ADARB2: variants seen among roughly 807,000 people sequenced by gnomAD.
ADARB2 encodes inactive double-stranded RNA-specific editase B2.
In ADARB2, 25 loss-of-function variants were observed where a neutral mutation model predicts 62.2. The observed-to-expected ratio is 0.40, with a 90% CI of 0.29 to 0.56. The LOEUF is 0.56. ADARB2 is among the 20% of genes least tolerant of loss of function. ADARB2 has a pLI of 0.43. For synonymous variants in ADARB2, 572 were observed against 500.8 expected (o/e 1.14, Z -1.90); for missense variants, 1,071 against 1,077.4 (o/e 0.99, Z 0.08).
At chr10:1,452,907 A>G (rs1831056626) in intron 1 of ADARB2, among the ~76,000 whole-genome samples, 1 of 152,232 alleles carries the variant, frequency 6.6e-6, no homozygotes, top group African/African-American at 2.4e-5. Context: ...TCTCCACATC[A>G]GTGTGTGACA....
chr10:1,640,222 T>C (rs1036828484), intron 1 of ADARB2, among the ~76,000 whole-genome samples: 12 of 152,178 alleles, frequency 7.9e-5, no homozygotes, highest in Non-Finnish European at 1.5e-4. Context: ...AGAAGTCTCG[T>C]TTTCCTTGGA....
At chr10:1,205,092 CAG>C (rs756042851) in intron 7 of ADARB2, among the ~76,000 whole-genome samples, 2 of 152,164 alleles carry the variant, frequency 1.3e-5, no homozygotes, top group Non-Finnish European at 2.9e-5. Flanking sequence ...CGCCATTCTG[CAG>C]AGACTCCTGA....
intron 1 of ADARB2, among the ~76,000 whole-genome samples, chr10:1,674,029 G>C (rs945658469): frequency 6.6e-6 from 1 of 152,252 alleles, no homozygotes; most frequent in African/African-American, 2.4e-5. Flanking sequence ...TTAATAATCA[G>C]AGAGAGGTTC....
chr10:1,671,970 C>T (rs1052286683), intron 1 of ADARB2, among the ~76,000 whole-genome samples: 1 of 152,150 alleles, frequency 6.6e-6, no homozygotes, highest in Non-Finnish European at 1.5e-5. Flanking sequence ...GATTCACATG[C>T]CCCTGTTCAT....
chr10:1,503,410 T>G (rs11594167), intron 1 of ADARB2, among the ~76,000 whole-genome samples: 27,798 of 151,426 alleles, frequency 0.18, 2,989 homozygotes, highest in Non-Finnish European at 0.25. Context: ...GGTCTCATAC[T>G]TCTGGTCTCC....
intron 4 of ADARB2, among the ~76,000 whole-genome samples, chr10:1,244,760 A>G (rs149821963): frequency 1.5e-3 from 222 of 152,276 alleles, no homozygotes; most frequent in African/African-American, 5.2e-3. Context: ...AGGAAAAGGG[A>G]GAGACGGACT....
chr10:1,653,561 C>A (rs10903538), intron 1 of ADARB2, among the ~76,000 whole-genome samples: 70,571 of 143,696 alleles, frequency 0.49, 18,061 homozygotes, highest in East Asian at 0.71. Context: ...GAGCCACAGT[C>A]TCCACCCCAC....
intron 1 of ADARB2, among the ~76,000 whole-genome samples, chr10:1,698,749 CTT>C (rs1358692195): frequency 6.6e-6 from 1 of 152,172 alleles, no homozygotes; most frequent in African/African-American, 2.4e-5. Context: ...GGGCAAATGA[CTT>C]TTAAAAAATT....
rs924088070 is a variant in ADARB2, at chr10:1,252,616, G to A, written c.1193-10317C>T. ...GCAATCCCACATCTAGTCATTATTT[G>A]GTCAAAGTCTATGTTTTATTTTCAA... On this transcript the variant is annotated intron_variant, in intron 4 of 9. Transcript: ENST00000381312. Among the ~76,000 whole-genome samples the A allele has an allele frequency of 2.6e-5, 4 of 151,694 alleles. No homozygotes were observed. The South Asian group carries it at 8.3e-4, about 32-fold the overall frequency.
At chr10:1,496,435 C>T (rs1831692514) in intron 1 of ADARB2, among the ~76,000 whole-genome samples, 1 of 151,604 alleles carries the variant, frequency 6.6e-6, no homozygotes, top group Admixed American at 6.6e-5. Context: ...CATTTAGTAT[C>T]AACATTATCA....
rs117693025 is a variant in ADARB2, at chr10:1,713,176, A to T, written c.100+23875T>A. Among the ~76,000 whole-genome samples, 587 of 152,282 alleles carry T rather than the reference A, an allele frequency of 3.9e-3. 1 individual carries two copies. Among genetic ancestry groups the T allele is most frequent in the Admixed American group, 8.0e-3 (123 of 15,306 alleles). The stretch of plus-strand genomic sequence containing the variant: ...CTCACACCTGGGTGCCGGCGAGGGG[A>T]CCGCACATACCTGGGGAGGTGTGGG... On this transcript the variant is annotated intron_variant, in intron 1 of 9. Coordinates refer to ENST00000381312, the MANE Select transcript of ADARB2 (RefSeq NM_018702.4).
intron 1 of ADARB2, among the ~76,000 whole-genome samples, chr10:1,615,846 C>A (rs942724819): frequency 6.6e-6 from 1 of 152,204 alleles, no homozygotes; most frequent in Non-Finnish European, 1.5e-5. Context: ...GTGCTCCTAC[C>A]CAGTGGGGCA....
rs1831256846 is a variant in ADARB2, at chr10:1,271,022, C to T, written c.1125G>A (p.Glu375=). The T allele has an allele frequency of 6.2e-7, 1 of 1,613,890 alleles. No homozygotes were observed. Among genetic ancestry groups the T allele is most frequent in the African/African-American group, 1.3e-5 (1 of 74,934 alleles). ...GCATGGGCGTGAGGTCCGTCGTCAC[C>T]TCGCGGAACTTCTGTGTGACCAGCT... ...ISQLVTQKFR[E]VTTDLTPMHA... Residue 375 remains glutamate, a synonymous_variant, in exon 4 of 10, where the codon GAG becomes GAA. Transcript: ENST00000381312.
chr10:1,704,681 C>G lies in ADARB2; in HGVS notation c.100+32370G>C, dbSNP rs1461935134. ...TAACTCTGGGGTTTTGTGAGGGGTA[C>G]ATATAAAGTGGTTTGGAATCATGTG... On this transcript the variant is annotated intron_variant, in intron 1 of 9. Coordinates refer to ENST00000381312, the MANE Select transcript of ADARB2 (RefSeq NM_018702.4). The surrounding 1 kb of genome is among the most constrained non-coding windows in gnomAD (Gnocchi z 5.6). Among the ~76,000 whole-genome samples, 1 of 152,006 alleles carries G rather than the reference C, an allele frequency of 6.6e-6. No individual in the cohort carries two copies. Among genetic ancestry groups the G allele is most frequent in the Non-Finnish European group, 1.5e-5 (1 of 68,014 alleles).
At chr10:1,375,762 A>ACACACGCACACATGTG (rs1480868286) in intron 2 of ADARB2, among the ~76,000 whole-genome samples, 2 of 151,216 alleles carry the variant, frequency 1.3e-5, no homozygotes, top group African/African-American at 4.8e-5. Context: ...ACACACATGC[A>ACACACGCACACATGTG]CACACGCACA....
At chr10:1,469,623 G>A (rs189314699) in intron 1 of ADARB2, among the ~76,000 whole-genome samples, 169 of 152,246 alleles carry the variant, frequency 1.1e-3, no homozygotes, top group African/African-American at 3.7e-3. Flanking sequence ...GTTAGTTGTC[G>A]TAATTGATGA....
At chr10:1,481,856 C>CAAAAAAAAAA (rs34445492) in intron 1 of ADARB2, among the ~76,000 whole-genome samples, 1 of 135,154 alleles carries the variant, frequency 7.4e-6, no homozygotes, top group Non-Finnish European at 1.6e-5. Flanking sequence ...GACTCCATCT[C>CAAAAAAAAAA]AAAAAAAAAA....
At chr10:1,241,881 A>G (rs1207484890) in intron 5 of ADARB2, among the ~76,000 whole-genome samples, 1 of 152,186 alleles carries the variant, frequency 6.6e-6, no homozygotes, top group Non-Finnish European at 1.5e-5. Flanking sequence ...GAGGGCTGCA[A>G]AGGTGTTTTC....
At chr10:1,472,546 G>T (rs778432847) in intron 1 of ADARB2, among the ~76,000 whole-genome samples, 6 of 152,204 alleles carry the variant, frequency 3.9e-5, no homozygotes, top group African/African-American at 7.2e-5. Flanking sequence ...TTGGAGGTAT[G>T]CTGGGAGAAG....
Sources: gnomAD v4.1 joint callset for allele counts (sites outside exome capture counted in the v4.1 genomes callset) on GRCh38, gnomAD v4.1.1 for gene constraint, Gnocchi (gnomAD v3.1) non-coding constraint, MANE v1.5 for transcripts, NCBI Gene and HGNC (gene_info 2026-07-23, HGNC 2026-07-21) for gene names.